AADAT: variants seen among roughly 807,000 people sequenced by gnomAD.
AADAT encodes the protein aminoadipate aminotransferase.
Under a neutral mutation model 56.2 loss-of-function variants are expected in AADAT, and 25 were observed. The observed-to-expected ratio is 0.44, with a 90% confidence interval of 0.32 to 0.62. The LOEUF is 0.62. AADAT is among the 20% of genes least tolerant of loss of function. The pLI, the probability that AADAT is intolerant of heterozygous loss-of-function variation, is 0.04. For missense variants in AADAT, 387 were observed against 510.5 expected (o/e 0.76, Z 2.33); for synonymous variants, 173 against 164.7 (o/e 1.05, Z -0.39).
At position 170,084,540 on chromosome 4, in the gene AADAT, G is replaced by A. The variant is rs139694737; in HGVS notation, c.369+2576C>T. Among the ~76,000 whole-genome samples, 618 of 152,210 alleles carry A rather than the reference G, an allele frequency of 4.1e-3. 4 individuals carry two copies. Among genetic ancestry groups the A allele is most frequent in the South Asian group, 0.034 (165 of 4,828 alleles). ...AGCCTAAATCAAAGGGGTCTATTAT[G>A]ACTAAATCATACATAAGTCACAGAA... On this transcript the variant is annotated intron_variant, in intron 3 of 12. Coordinates refer to ENST00000337664, the MANE Select transcript of AADAT (RefSeq NM_016228.4).
intron 9 of AADAT, 71 bp from the exon 10 acceptor site, chr4:170,066,549 C>A: frequency 9.1e-7 from 1 of 1,096,560 alleles, no homozygotes. Flanking sequence ...TCTCCAGAGT[C>A]CAGGCTATAA....
intron 5 of AADAT, among the ~76,000 whole-genome samples, 164 bp downstream of exon 5, chr4:170,072,972 G>A (rs1178286133): frequency 6.6e-6 from 1 of 152,108 alleles, no homozygotes; most frequent in East Asian, 1.9e-4. Flanking sequence ...GAAATTTATT[G>A]TGTCTAAATT....
chr4:170,072,508 G>C (rs987009567), intron 5 of AADAT, among the ~76,000 whole-genome samples: 1 of 152,040 alleles, frequency 6.6e-6, no homozygotes, highest in Non-Finnish European at 1.5e-5. Context: ...GATTCCACTG[G>C]ATGTGACTAA....
Position 170,060,228 on chromosome 4 carries a change from T to C in AADAT, c.*700A>G, listed in dbSNP as rs1170368281. 6.6e-6 allele frequency: 1 copy of C among 152,178 alleles called. No individual in the cohort carries two copies. Among genetic ancestry groups the C allele is most frequent in the Admixed American group, 6.5e-5 (1 of 15,278 alleles). 9.4% of individuals were successfully genotyped at this position (152,178 alleles called of 1,614,324 possible). On this transcript the variant is annotated 3_prime_UTR_variant, in exon 13 of 13. Transcript: ENST00000337664. Reference sequence around the variant, plus strand: ...TGGGTCTGATGCCTTTAGGTATGTTTAGTTTAAGAATTTTATTTTAAAGGA... The same window carrying C: ...TGGGTCTGATGCCTTTAGGTATGTTCAGTTTAAGAATTTTATTTTAAAGGA...
intron 3 of AADAT, among the ~76,000 whole-genome samples, chr4:170,078,921 A>T (rs1732165795): frequency 6.6e-6 from 1 of 152,218 alleles, no homozygotes; most frequent in South Asian, 2.1e-4. Flanking sequence ...GAGAAAGGTG[A>T]ACAGAGGTTT....
At chr4:170,075,134 T>C (rs1209551003) in intron 4 of AADAT, among the ~76,000 whole-genome samples, 1 of 152,230 alleles carries the variant, frequency 6.6e-6, no homozygotes, top group Non-Finnish European at 1.5e-5. Context: ...AGTTTCTGTT[T>C]TTCTGTTTGG....
chr4:170,066,230 G>A (rs2111149397), intron 10 of AADAT, among the ~76,000 whole-genome samples, 184 bp downstream of exon 10: 1 of 152,156 alleles, frequency 6.6e-6, no homozygotes, highest in Non-Finnish European at 1.5e-5. Context: ...AAAGTGGATA[G>A]GAAGGTCTGT....
chr4:170,091,720 C>T (rs937789550), upstream of AADAT: 2 of 152,360 alleles, frequency 1.3e-5, no homozygotes, highest in Non-Finnish European at 2.9e-5. Flanking sequence ...CTTGGAGAAC[C>T]TTTATGTCTA....
intron 5 of AADAT, among the ~76,000 whole-genome samples, chr4:170,070,951 C>T (rs979519440): frequency 5.9e-5 from 9 of 152,136 alleles, no homozygotes; most frequent in East Asian, 1.9e-4. Context: ...CTCGCTCTGT[C>T]GCCCAGGCTG....
At chr4:170,092,170 C>G (rs575647988), upstream of AADAT, among the ~76,000 whole-genome samples, 4 of 152,258 alleles carry the variant, frequency 2.6e-5, no homozygotes, top group Admixed American at 1.3e-4. Flanking sequence ...CCAGCGGTAA[C>G]CCGCTTGGAT....
chr4:170,061,789 C>A (rs1731201654), intron 12 of AADAT, 103 bp downstream of exon 12: 4 of 762,624 alleles, frequency 5.2e-6, no homozygotes, highest in African/African-American at 3.5e-5. Context: ...ATTTTAGAAA[C>A]CCAAACAGAT....
chr4:170,073,508 TTTA>T (rs1731875956), intron 4 of AADAT, among the ~76,000 whole-genome samples, 163 bp from the exon 5 acceptor site: 6 of 149,498 alleles, frequency 4.0e-5, no homozygotes, highest in Non-Finnish European at 8.9e-5. Flanking sequence ...TACACATTTA[TTTA>T]TTTTTTTTTT....
rs981672963 is a variant in AADAT at position 170,072,211 on chromosome 4, CTGTGTGTGTGTATG to C, written c.654+911_654+924del. On this transcript the variant is annotated intron_variant, in intron 5 of 12. Coordinates refer to ENST00000337664, the MANE Select transcript of AADAT (RefSeq NM_016228.4). ...GGAAAGTACAAACATAAGAACATGA[CTGTGTGTGTGTATG>C]TGTGTGTGTGTATACGTGTGTTTAT... Among the ~76,000 whole-genome samples, 19 of 151,202 alleles carry C rather than the reference CTGTGTGTGTGTATG, an allele frequency of 1.3e-4. No homozygotes were observed. The East Asian group carries it at 2.1e-3, about 17-fold the overall frequency.
chr4:170,089,440 G>A (rs2111221601), intron 1 of AADAT, 184 bp downstream of exon 1: 1 of 672,054 alleles, frequency 1.5e-6, no homozygotes, highest in Non-Finnish European at 2.6e-6. Flanking sequence ...TTCCGTTTCA[G>A]CCCGAGTTCT....
intron 6 of AADAT, 93 bp from the exon 7 acceptor site, chr4:170,069,323 T>G: frequency 1.0e-6 from 1 of 963,866 alleles, no homozygotes; most frequent in Non-Finnish European, 1.6e-6. Flanking sequence ...GGAGATGGAT[T>G]TGGATAACAA....
At chr4:170,078,634 T>C (rs975400078) in intron 3 of AADAT, 51 bp from the exon 4 acceptor site, 6 of 1,316,914 alleles carry the variant, frequency 4.6e-6, no homozygotes, top group Admixed American at 2.1e-5. Context: ...GTTAGTACTG[T>C]TTCCATGCTC....
intron 10 of AADAT, among the ~76,000 whole-genome samples, chr4:170,065,482 T>C (rs948690561): frequency 1.3e-5 from 2 of 151,938 alleles, no homozygotes; most frequent in Admixed American, 6.6e-5. Flanking sequence ...GGTAAAATAA[T>C]GCTATTGTCA....
chr4:170,089,897 T>G lies in AADAT; in HGVS notation c.-207A>C. Reference sequence around the variant, plus strand: ...CTGGACGCTGCGTTCGGTCTCCCGGTCCTAAACGGGTCTGGGGCTGTGTGG... The same window carrying G: ...CTGGACGCTGCGTTCGGTCTCCCGGGCCTAAACGGGTCTGGGGCTGTGTGG... On this transcript the variant is annotated 5_prime_UTR_variant, in exon 1 of 13. Transcript: ENST00000337664. The G allele has an allele frequency of 1.7e-6, 1 of 590,424 alleles. No individual in the cohort carries two copies. The highest frequency in any genetic ancestry group is 3.0e-6 in the Non-Finnish European group (1 of 331,244). 36.6% of individuals were successfully genotyped at this position (590,424 alleles called of 1,614,324 possible).
At position 170,061,881 on chromosome 4, in the gene AADAT, A is replaced by G. The variant is rs952149108; in HGVS notation, c.1236+11T>C. The G allele has an allele frequency of 6.2e-7, 1 of 1,600,776 alleles. No homozygotes were observed. Among genetic ancestry groups the G allele is most frequent in the Non-Finnish European group, 8.6e-7 (1 of 1,169,122 alleles). ...TAGCTAGTGTTACTCTGAGGAGAAT[A>G]CTACACTCACCACATCCATCTGTTC... On this transcript the variant is annotated intron_variant, in intron 12 of 12. Transcript: ENST00000337664.
Sources: gnomAD v4.1 joint callset for allele counts (sites outside exome capture counted in the v4.1 genomes callset) on GRCh38, gnomAD v4.1.1 for gene constraint, MANE v1.5 for transcripts, NCBI Gene and HGNC (gene_info 2026-07-23, HGNC 2026-07-21) for gene names.